WDFY3: variants seen among roughly 807,000 people sequenced by gnomAD.
The protein encoded by WDFY3 is WD repeat and FYVE domain containing 3, also known as WD repeat and FYVE domain-containing protein 3.
In WDFY3, 66 loss-of-function variants were observed where a neutral mutation model predicts 409.6. The observed-to-expected ratio is 0.16, with a 90% CI of 0.13 to 0.20. The LOEUF is 0.20. Ranked by LOEUF, WDFY3 falls within the 10% of genes least tolerant of loss-of-function variation. The probability of loss-of-function intolerance (pLI) is 1.00; values close to 1 mark genes in which losing one functional copy is unlikely to be tolerated. For synonymous variants in WDFY3, 1,521 were observed against 1,537.1 expected (o/e 0.99, Z 0.25); for missense variants, 3,031 against 4,298.1 (o/e 0.71, Z 8.24).
intron 1 of WDFY3, among the ~76,000 whole-genome samples, chr4:84,943,435 C>T (rs891201599): frequency 5.3e-5 from 8 of 150,132 alleles, no homozygotes; most frequent in African/African-American, 7.4e-5. Flanking sequence ...ACCAGGGAGG[C>T]GGAGCTTGCA....
intron 1 of WDFY3, among the ~76,000 whole-genome samples, chr4:84,945,309 G>A (rs555536805): frequency 1.3e-5 from 2 of 152,332 alleles, no homozygotes; most frequent in African/African-American, 4.8e-5. Flanking sequence ...GTCCCCCAAA[G>A]AGAGACTACT....
intron 2 of WDFY3, among the ~76,000 whole-genome samples, chr4:84,910,866 T>C (rs1024881156): frequency 2.6e-5 from 4 of 151,322 alleles, no homozygotes; most frequent in Non-Finnish European, 5.9e-5. Context: ...CCACCATGTC[T>C]GGCTAATTTT....
At chr4:84,833,631 A>T (rs935283477) in intron 7 of WDFY3, among the ~76,000 whole-genome samples, 2 of 151,642 alleles carry the variant, frequency 1.3e-5, no homozygotes, top group South Asian at 4.2e-4. Context: ...TTCAGTCTAG[A>T]TGACAGAGTG....
chr4:84,775,188 A>C, intron 27 of WDFY3, 50 bp from the exon 28 acceptor site: 1 of 1,518,332 alleles, frequency 6.6e-7, no homozygotes, highest in Non-Finnish European at 9.1e-7. Flanking sequence ...AAAATGCCCA[A>C]ATGCCAAACC....
At chr4:84,724,324 A>G (rs1343995749) in intron 46 of WDFY3, 102 bp downstream of exon 46, 1 of 1,318,368 alleles carries the variant, frequency 7.6e-7, no homozygotes, top group Non-Finnish European at 1.0e-6. Flanking sequence ...GGATATTTTT[A>G]AAGTTGGCCC....
At chr4:84,758,609 C>T (rs1343176463) in intron 32 of WDFY3, among the ~76,000 whole-genome samples, 2 of 152,092 alleles carry the variant, frequency 1.3e-5, no homozygotes, top group African/African-American at 4.8e-5. Context: ...CATATTACAA[C>T]TGCTATTTTA....
At chr4:84,764,169 A>C (rs1395690814) in intron 32 of WDFY3, among the ~76,000 whole-genome samples, 1 of 152,240 alleles carries the variant, frequency 6.6e-6, no homozygotes, top group African/African-American at 2.4e-5. Context: ...CGTTATTACT[A>C]CTGCTGCTGT....
chr4:84,835,638 G>C (rs1273361091), intron 7 of WDFY3, among the ~76,000 whole-genome samples: 4 of 152,016 alleles, frequency 2.6e-5, no homozygotes, highest in African/African-American at 9.7e-5. Flanking sequence ...AAACTGTCTT[G>C]GTCTCACTCT....
chr4:84,726,464 CA>C (rs1351549846), intron 45 of WDFY3, among the ~76,000 whole-genome samples: 1 of 152,080 alleles, frequency 6.6e-6, no homozygotes, highest in African/African-American at 2.4e-5. Context: ...GACACTGTTG[CA>C]TTCTCAAAAT....
Position 84,714,096 on chromosome 4 carries a change from C to T in WDFY3, c.7962-857G>A, listed in dbSNP as rs544891934. Among the ~76,000 whole-genome samples the T allele has an allele frequency of 2.0e-5, 3 of 150,750 alleles. No individual in the cohort carries two copies. The South Asian group carries it at 6.3e-4, about 31-fold the overall frequency. On this transcript the variant is annotated intron_variant, in intron 50 of 67. Transcript: ENST00000295888. The stretch of plus-strand genomic sequence containing the variant: ...GCGCCACTGCACTCCAGCCTGGTGA[C>T]AGAGCAAGACTTTGTCTAAAAAAAA...
chr4:84,694,001 G>A (rs568358987), intron 58 of WDFY3, among the ~76,000 whole-genome samples: 20 of 152,100 alleles, frequency 1.3e-4, no homozygotes, highest in African/African-American at 4.3e-4. Flanking sequence ...TATTTGAGGA[G>A]GAGATCTGAA....
At chr4:84,735,003 A>G in intron 43 of WDFY3, 40 bp downstream of exon 43, 1 of 1,566,056 alleles carries the variant, frequency 6.4e-7, no homozygotes, top group Non-Finnish European at 8.8e-7. Context: ...CACATACAAA[A>G]AATGTAAAAC....
chr4:84,737,368 TAGTA>T lies in WDFY3; in HGVS notation c.6575-6_6575-3del. ...CAGCTTTTATGAGAAGCTGACGCCC[TAGTA>T]AACAAACAAACAAACAAACAAAAAA... On this transcript the variant is annotated splice_region_variant and splice_polypyrimidine_tract_variant and intron_variant, in intron 40 of 67. Transcript: ENST00000295888. 1 of 1,550,568 alleles carries T rather than the reference TAGTA, an allele frequency of 6.4e-7. No individual in the cohort carries two copies. The highest frequency in any genetic ancestry group is 1.4e-5 in the African/African-American group (1 of 72,068).
chr4:84,707,906 A>G (rs1732240920), intron 53 of WDFY3, among the ~76,000 whole-genome samples: 1 of 152,206 alleles, frequency 6.6e-6, no homozygotes, highest in South Asian at 2.1e-4. Flanking sequence ...CATTAGACCA[A>G]AATTTTCTGA....
intron 3 of WDFY3, among the ~76,000 whole-genome samples, chr4:84,872,216 C>T (rs912799422): frequency 6.6e-6 from 1 of 151,890 alleles, no homozygotes; most frequent in Admixed American, 6.6e-5. Context: ...CCTGAAATCT[C>T]AGCAATTTGG....
intron 36 of WDFY3, 114 bp downstream of exon 36, chr4:84,751,369 C>G: frequency 9.2e-7 from 1 of 1,082,544 alleles, no homozygotes; most frequent in Non-Finnish European, 1.4e-6. Flanking sequence ...ACATGTTCTG[C>G]CTACACATAA....
chr4:84,927,825 T>C (rs533953510), intron 2 of WDFY3, among the ~76,000 whole-genome samples: 1 of 152,382 alleles, frequency 6.6e-6, no homozygotes, highest in South Asian at 2.1e-4. Context: ...CTTTTCTTTA[T>C]AAATTACCCA....
intron 19 of WDFY3, among the ~76,000 whole-genome samples, chr4:84,795,381 A>G (rs1434942416): frequency 6.6e-6 from 1 of 152,200 alleles, no homozygotes; most frequent in Non-Finnish European, 1.5e-5. Flanking sequence ...ATTGTTTGAT[A>G]ATGACCCATG....
At chr4:84,745,268 A>C (rs1186593340) in intron 36 of WDFY3, among the ~76,000 whole-genome samples, 1 of 152,212 alleles carries the variant, frequency 6.6e-6, no homozygotes, top group East Asian at 1.9e-4. Flanking sequence ...GTTGGATATT[A>C]AACAATTCAA....
Sources: gnomAD v4.1 joint callset for allele counts (sites outside exome capture counted in the v4.1 genomes callset) on GRCh38, gnomAD v4.1.1 for gene constraint, MANE v1.5 for transcripts, NCBI Gene and HGNC (gene_info 2026-07-23, HGNC 2026-07-21) for gene names.